PTPRR: variants seen among roughly 807,000 people sequenced by gnomAD.
PTPRR encodes the protein receptor-type tyrosine-protein phosphatase R.
Under a neutral mutation model 77.2 loss-of-function variants are expected in PTPRR, and 38 were observed. That is an observed-to-expected ratio of 0.49 (90% CI 0.38 to 0.65). The LOEUF (loss-of-function observed/expected upper bound fraction) is 0.65. Ranked by LOEUF, PTPRR falls within the 30% of genes least tolerant of loss-of-function variation. The pLI is 0.00. For synonymous variants in PTPRR, 299 were observed against 283.1 expected (o/e 1.06, Z -0.57); for missense variants, 744 against 799.2 (o/e 0.93, Z 0.83).
intron 10 of PTPRR, among the ~76,000 whole-genome samples, chr12:70,666,073 T>C (rs925137845): frequency 6.6e-6 from 1 of 152,160 alleles, no homozygotes; most frequent in South Asian, 2.1e-4. Flanking sequence ...ACCAACATCA[T>C]ATCATTTAGC....
At chr12:70,682,776 AC>A (rs776691342) in intron 10 of PTPRR, among the ~76,000 whole-genome samples, 3 of 152,198 alleles carry the variant, frequency 2.0e-5, no homozygotes, top group Non-Finnish European at 4.4e-5. Context: ...ATAGATTGAC[AC>A]TGTGTGGGAA....
chr12:70,841,281 T>C (rs956258544), intron 2 of PTPRR, among the ~76,000 whole-genome samples: 1 of 152,132 alleles, frequency 6.6e-6, no homozygotes, highest in East Asian at 1.9e-4. Flanking sequence ...AAATACAGCT[T>C]CTCGGTATGC....
chr12:70,752,282 A>G (rs1890426038), intron 5 of PTPRR, among the ~76,000 whole-genome samples: 1 of 152,160 alleles, frequency 6.6e-6, no homozygotes. Context: ...CTGCTAACCC[A>G]ATAGAGAGCA....
chr12:70,736,268 A>G (rs1889858509), intron 6 of PTPRR, among the ~76,000 whole-genome samples: 1 of 152,166 alleles, frequency 6.6e-6, no homozygotes, highest in Non-Finnish European at 1.5e-5. Flanking sequence ...ATGAAATTGC[A>G]CTTTGCTTGA....
At chr12:70,652,960 G>C (rs1886450367) in intron 13 of PTPRR, among the ~76,000 whole-genome samples, 1 of 152,164 alleles carries the variant, frequency 6.6e-6, no homozygotes, top group Non-Finnish European at 1.5e-5. Flanking sequence ...CCAAGAAAAA[G>C]AGCAAACCAA....
chr12:70,789,213 A>T (rs1891382402), intron 2 of PTPRR, among the ~76,000 whole-genome samples: 1 of 152,130 alleles, frequency 6.6e-6, no homozygotes, highest in Non-Finnish European at 1.5e-5. Flanking sequence ...ATACATATGT[A>T]ACAAACCTGC....
intron 2 of PTPRR, among the ~76,000 whole-genome samples, chr12:70,778,475 A>G (rs1394807082): frequency 6.6e-6 from 1 of 152,174 alleles, no homozygotes; most frequent in Non-Finnish European, 1.5e-5. Flanking sequence ...ATGATTTTTC[A>G]TCTAAACATT....
At chr12:70,845,550 ATCTC>A (rs1190088049) in intron 2 of PTPRR, among the ~76,000 whole-genome samples, 1 of 152,158 alleles carries the variant, frequency 6.6e-6, no homozygotes, top group Non-Finnish European at 1.5e-5. Context: ...AATTAATCCT[ATCTC>A]TCTCTTTGCC....
chr12:70,733,470 CAAAAAAAAAAAG>C (rs1259938574), intron 6 of PTPRR, among the ~76,000 whole-genome samples: 16 of 74,074 alleles, frequency 2.2e-4, no homozygotes, highest in African/African-American at 1.4e-3. Context: ...AAAATTATGG[CAAAAAAAAAAAG>C]AAAAAAAAAG....
chr12:70,729,469 T>C (rs1889578647), intron 6 of PTPRR, among the ~76,000 whole-genome samples: 1 of 152,188 alleles, frequency 6.6e-6, no homozygotes, highest in Non-Finnish European at 1.5e-5. Context: ...TAGGAATATC[T>C]AGAAATATTA....
chr12:70,834,720 C>G (rs1003103095), intron 2 of PTPRR, among the ~76,000 whole-genome samples: 1 of 152,054 alleles, frequency 6.6e-6, no homozygotes, highest in Non-Finnish European at 1.5e-5. Flanking sequence ...TCCAGGTAAT[C>G]TTTCAGAGTA....
chr12:70,805,012 C>T (rs1359234593), intron 2 of PTPRR, among the ~76,000 whole-genome samples: 6 of 152,094 alleles, frequency 3.9e-5, no homozygotes, highest in African/African-American at 4.8e-5. Context: ...TTGTCACACA[C>T]GAACGAGATA....
chr12:70,690,361 T>C (rs1299701037), intron 8 of PTPRR, among the ~76,000 whole-genome samples: 1 of 152,226 alleles, frequency 6.6e-6, no homozygotes, highest in Non-Finnish European at 1.5e-5. Context: ...ATAGAATAGG[T>C]ACATCCCAAA....
chr12:70,725,342 G>A (rs1196965474), intron 6 of PTPRR, among the ~76,000 whole-genome samples: 1 of 152,092 alleles, frequency 6.6e-6, no homozygotes, highest in East Asian at 1.9e-4. Context: ...ATGCCCTTGG[G>A]TTGGCCCATA....
At chr12:70,879,265 AC>A (rs1260988706) in intron 2 of PTPRR, among the ~76,000 whole-genome samples, 2 of 152,118 alleles carry the variant, frequency 1.3e-5, no homozygotes, top group Non-Finnish European at 2.9e-5. Flanking sequence ...AAAGAAAAAA[AC>A]GATATGTAAA....
At chr12:70,912,776 G>C (rs12426380) in intron 1 of PTPRR, among the ~76,000 whole-genome samples, 1 of 152,002 alleles carries the variant, frequency 6.6e-6, no homozygotes, top group Non-Finnish European at 1.5e-5. Context: ...TACTATAGTA[G>C]GCACTTATAG....
At chr12:70,765,034 G>A (rs925037728) in intron 2 of PTPRR, among the ~76,000 whole-genome samples, 2 of 152,196 alleles carry the variant, frequency 1.3e-5, no homozygotes, top group African/African-American at 4.8e-5. Flanking sequence ...GTGGAGCCAA[G>A]ATGGCCAAAT....
intron 2 of PTPRR, among the ~76,000 whole-genome samples, chr12:70,780,932 G>A (rs1363773525): frequency 6.6e-6 from 1 of 152,174 alleles, no homozygotes; most frequent in Non-Finnish European, 1.5e-5. Flanking sequence ...TCTGTTCTTT[G>A]CAAGTGGTAA....
intron 10 of PTPRR, chr12:70,673,017 A>G: frequency 8.2e-7 from 1 of 1,213,184 alleles, no homozygotes; most frequent in South Asian, 1.5e-5. Context: ...TTCAATAAAT[A>G]CGTCGGGCCA....
Sources: gnomAD v4.1 joint callset for allele counts (sites outside exome capture counted in the v4.1 genomes callset) on GRCh38, gnomAD v4.1.1 for gene constraint, MANE v1.5 for transcripts, NCBI Gene and HGNC (gene_info 2026-07-23, HGNC 2026-07-21) for gene names.